ARHGAP20: variants seen among roughly 807,000 people sequenced by gnomAD.
ARHGAP20 encodes rho GTPase-activating protein 20.
A neutral mutation model predicts 73.7 loss-of-function variants in ARHGAP20; 34 were observed. The ratio of observed to expected loss-of-function variants is 0.46; its 90% CI spans 0.35 to 0.61. The LOEUF is 0.61. Ranked by LOEUF, ARHGAP20 falls within the 20% of genes least tolerant of loss-of-function variation. The pLI is 0.00. For synonymous variants in ARHGAP20, 523 were observed against 518.2 expected (o/e 1.01, Z -0.13); for missense variants, 1,314 against 1,420.9 (o/e 0.92, Z 1.21).
At position 110,580,222 on chromosome 11, in the gene ARHGAP20, C is replaced by T. The variant is rs745389705; in HGVS notation, c.2724G>A (p.Glu908=). 3 of 1,614,096 alleles carry T rather than the reference C, an allele frequency of 1.9e-6. No individual in the cohort carries two copies. The highest frequency in any genetic ancestry group is 1.7e-5 in the Admixed American group (1 of 60,006). ...GGTTTGTGGCACTACTCTTGCCCAC[C>T]TCAATCCCCATGACTAAACTCTGAT... is the stretch of plus-strand genomic sequence containing the variant. ...LINQSLVMGI[E]VGKSSATNQN... The change falls in exon 15 of 15, where the codon GAG becomes GAA. Residue 908 remains glutamate (E), a synonymous_variant. Transcript: ENST00000683387.
At chr11:110,627,299 G>T (rs1271096502) in intron 3 of ARHGAP20, among the ~76,000 whole-genome samples, 1 of 152,012 alleles carries the variant, frequency 6.6e-6, no homozygotes, top group Non-Finnish European at 1.5e-5. Context: ...TGCCATGTTG[G>T]CCAGGCTGGT....
At chr11:110,632,686 G>T (rs895993630) in intron 2 of ARHGAP20, among the ~76,000 whole-genome samples, 1 of 152,178 alleles carries the variant, frequency 6.6e-6, no homozygotes, top group Non-Finnish European at 1.5e-5. Context: ...ATTACAGGTT[G>T]AGCCACCATG....
At chr11:110,699,373 T>TATTC (rs548974344) in intron 1 of ARHGAP20, among the ~76,000 whole-genome samples, 122 of 152,086 alleles carry the variant, frequency 8.0e-4, no homozygotes, top group Admixed American at 2.0e-3. Context: ...CAAGAATGTA[T>TATTC]ATTCTGTGGT....
chr11:110,585,109 GTGAATATATA>G (rs922621308), intron 12 of ARHGAP20, among the ~76,000 whole-genome samples: 10 of 149,940 alleles, frequency 6.7e-5, no homozygotes, highest in African/African-American at 2.4e-4. Context: ...ATGAATATAT[GTGAATATATA>G]TGAATATATG....
At chr11:110,706,074 A>G (rs998460312) in intron 1 of ARHGAP20, among the ~76,000 whole-genome samples, 10 of 152,178 alleles carry the variant, frequency 6.6e-5, no homozygotes, top group African/African-American at 1.9e-4. Context: ...CATAACATTC[A>G]ATGGTAGACA....
At chr11:110,648,224 TATATATATATATGTAA>T (rs1433890452) in intron 2 of ARHGAP20, among the ~76,000 whole-genome samples, 32 of 51,798 alleles carry the variant, frequency 6.2e-4, no homozygotes, top group East Asian at 4.2e-3. Flanking sequence ...TATATATGTA[TATATATATATATGTAA>T]ATATATATAT....
chr11:110,711,253 C>T (rs1950647293), intron 1 of ARHGAP20, among the ~76,000 whole-genome samples: 2 of 152,164 alleles, frequency 1.3e-5, no homozygotes, highest in East Asian at 3.9e-4. Context: ...CAAGTTGTCA[C>T]CTGCATCCCT....
intron 12 of ARHGAP20, among the ~76,000 whole-genome samples, chr11:110,584,309 G>C (rs1044010232): frequency 6.6e-6 from 1 of 151,922 alleles, no homozygotes; most frequent in Non-Finnish European, 1.5e-5. Context: ...GCTTATAGTA[G>C]ATTTTCTGCT....
intron 2 of ARHGAP20, among the ~76,000 whole-genome samples, chr11:110,681,317 G>A (rs1950032505): frequency 6.6e-6 from 1 of 152,098 alleles, no homozygotes; most frequent in African/African-American, 2.4e-5. Flanking sequence ...ACCATACCTA[G>A]GTATAGAAAG....
chr11:110,596,504 AG>A (rs1215817895), intron 9 of ARHGAP20, among the ~76,000 whole-genome samples: 2 of 152,292 alleles, frequency 1.3e-5, no homozygotes, highest in Non-Finnish European at 2.9e-5. Context: ...ACTTCTCAAA[AG>A]AAGACATTTA....
In ARHGAP20 at chr11:110,592,119, A is replaced by C; in HGVS notation, c.1001T>G (p.Ile334Ser). The C allele has an allele frequency of 6.2e-7, 1 of 1,614,150 alleles. No homozygotes were observed. The highest frequency in any genetic ancestry group is 8.5e-7 in the Non-Finnish European group (1 of 1,179,994). Residue 334 changes from isoleucine to serine, a missense_variant, in exon 10 of 15, where the codon ATC (isoleucine) becomes AGC (serine). Physicochemically the swap from Ile to Ser is moderately radical, Grantham distance 142. This residue lies in a region of ARHGAP20 where 443 missense variants were observed against 466.4 expected (regional missense o/e 0.95). Transcript: ENST00000683387. ...GHKTFKRRRS[I>S]INWAFWRGSS... Reference sequence around the variant, plus strand: ...ACCTCGCCAGAAGGCCCAGTTTATGATAGATCTTCTCCTTTTAAATGTCTT... The same window carrying C: ...ACCTCGCCAGAAGGCCCAGTTTATGCTAGATCTTCTCCTTTTAAATGTCTT...
intron 1 of ARHGAP20, among the ~76,000 whole-genome samples, chr11:110,697,366 C>T (rs1270426685): frequency 6.6e-6 from 1 of 151,334 alleles, no homozygotes; most frequent in Non-Finnish European, 1.5e-5. Context: ...GTGCTTTTTG[C>T]CACTTGCTTT....
intron 2 of ARHGAP20, among the ~76,000 whole-genome samples, chr11:110,645,344 G>T (rs943492065): frequency 6.6e-6 from 1 of 152,036 alleles, no homozygotes; most frequent in Non-Finnish European, 1.5e-5. Flanking sequence ...CATACAAGTG[G>T]CCCACAGACA....
At chr11:110,672,726 T>C (rs1191166602) in intron 2 of ARHGAP20, among the ~76,000 whole-genome samples, 1 of 152,208 alleles carries the variant, frequency 6.6e-6, no homozygotes, top group Non-Finnish European at 1.5e-5. Context: ...TAAGCTATTA[T>C]TACTAAGTTT....
At chr11:110,591,871 G>A in intron 10 of ARHGAP20, 106 bp downstream of exon 10, 1 of 1,176,866 alleles carries the variant, frequency 8.5e-7, no homozygotes, top group Non-Finnish European at 1.2e-6. Context: ...CTTAGCCAAA[G>A]ACAGTGGTGT....
rs1591202669 is a variant in ARHGAP20, at chr11:110,711,881, G to A, written c.105+246C>T. ...CGGATGGAGACGGGAGGGAGGCTGC[G>A]AGGTCGCTCGAGGAGAGACTAAGGC... On this transcript the variant is annotated intron_variant, in intron 1 of 14. Transcript: ENST00000683387. 4 of 1,311,820 alleles carry A rather than the reference G, an allele frequency of 3.0e-6. No homozygotes were observed. The East Asian group carries it at 1.3e-4, about 41-fold the overall frequency. 81.3% of individuals were successfully genotyped at this position (1,311,820 alleles called of 1,614,324 possible).
In ARHGAP20 at chr11:110,578,911, C is replaced by A; in HGVS notation, c.*459G>T. 1 of 987,258 alleles carries A rather than the reference C, an allele frequency of 1.0e-6. No individual in the cohort carries two copies. The highest frequency in any genetic ancestry group is 1.2e-6 in the Non-Finnish European group (1 of 831,090). 61.2% of individuals were successfully genotyped at this position (987,258 alleles called of 1,614,324 possible). A position where few individuals can be genotyped will look rare whatever the true frequency, so the allele number is the denominator to read the frequency against. On this transcript the variant is annotated 3_prime_UTR_variant, in exon 15 of 15. Coordinates refer to ENST00000683387, the MANE Select transcript of ARHGAP20 (RefSeq NM_001384657.1). ...TCTTCATTACTGGACACACTTAATGCTTTGATTAGTGGCATTTTTCTTGCC... is the reference window on the plus strand; with the variant it reads ...TCTTCATTACTGGACACACTTAATGATTTGATTAGTGGCATTTTTCTTGCC...
intron 2 of ARHGAP20, among the ~76,000 whole-genome samples, chr11:110,678,882 C>T (rs540680722): frequency 6.6e-6 from 1 of 152,226 alleles, no homozygotes; most frequent in South Asian, 2.1e-4. Flanking sequence ...CCAGGCTGGT[C>T]TTGAACTCCT....
At chr11:110,701,864 C>G (rs1224417807) in intron 1 of ARHGAP20, among the ~76,000 whole-genome samples, 2 of 151,844 alleles carry the variant, frequency 1.3e-5, no homozygotes, top group African/African-American at 2.4e-5. Context: ...GCTTGTTTTT[C>G]TCAGGTTTGT....
Sources: allele counts gnomAD v4.1 joint callset (sites outside exome capture counted in the v4.1 genomes callset), GRCh38; gene constraint gnomAD v4.1.1; regional missense constraint gnomAD v4.1.1; transcripts MANE v1.5; gene names NCBI Gene and HGNC (gene_info 2026-07-23, HGNC 2026-07-21).